Variants in ARK2C observed in about 807,000 individuals in gnomAD.
ARK2C encodes the protein arkadia (RNF111) C-terminal like ring finger ubiquitin ligase 2C.
the ARK2C span, among the ~76,000 whole-genome samples, chr18:46,384,119 A>C: frequency 6.6e-6 from 1 of 152,244 alleles, no homozygotes; most frequent in African/African-American, 2.4e-5. Context: ...GAGATGGTGA[A>C]GACAGAGTTG....
chr18:46,415,548 A>G, the ARK2C span, among the ~76,000 whole-genome samples: 1 of 151,728 alleles, frequency 6.6e-6, no homozygotes, highest in East Asian at 1.9e-4. Flanking sequence ...AAAAATAAAA[A>G]AATAAATAAA....
the ARK2C span, among the ~76,000 whole-genome samples, chr18:46,396,352 C>T: frequency 2.0e-5 from 3 of 152,118 alleles, no homozygotes; most frequent in Non-Finnish European, 4.4e-5. Context: ...CCTGGAAGCT[C>T]GTGGCCCATC....
At chr18:46,376,610 T>G in the ARK2C span, among the ~76,000 whole-genome samples, 1 of 149,950 alleles carries the variant, frequency 6.7e-6, no homozygotes, top group Non-Finnish European at 1.5e-5. Context: ...AAATTTCTTT[T>G]GGGGCCTCAG....
At chr18:46,361,392 C>T in the ARK2C span, among the ~76,000 whole-genome samples, 2 of 152,018 alleles carry the variant, frequency 1.3e-5, no homozygotes, top group African/African-American at 4.8e-5. Context: ...ATATCTGTGT[C>T]GATCTGCTGT....
chr18:46,398,875 T>A, the ARK2C span, among the ~76,000 whole-genome samples: 2 of 151,804 alleles, frequency 1.3e-5, no homozygotes, highest in African/African-American at 4.9e-5. Flanking sequence ...ATGAGACACG[T>A]CGACAACATC....
At chr18:46,347,992 A>G in the ARK2C span, among the ~76,000 whole-genome samples, 5 of 152,124 alleles carry the variant, frequency 3.3e-5, no homozygotes, top group Non-Finnish European at 5.9e-5. Flanking sequence ...CTCACGTAGC[A>G]CTTACTCTGT....
chr18:46,359,365 C>T, the ARK2C span, among the ~76,000 whole-genome samples: 1 of 152,118 alleles, frequency 6.6e-6, no homozygotes, highest in South Asian at 2.1e-4. Context: ...GCTGGGATTT[C>T]AGCTGGTTCC....
the ARK2C span, among the ~76,000 whole-genome samples, chr18:46,358,481 G>A: frequency 6.6e-6 from 1 of 152,148 alleles, no homozygotes; most frequent in Non-Finnish European, 1.5e-5. Flanking sequence ...AGCCTGAAGC[G>A]TACCCGAAAG....
At chr18:46,378,924 G>A in the ARK2C span, among the ~76,000 whole-genome samples, 31 of 152,314 alleles carry the variant, frequency 2.0e-4, no homozygotes, top group African/African-American at 6.7e-4. Flanking sequence ...CCCCAGTGTG[G>A]CTCTGATGAA....
the ARK2C span, among the ~76,000 whole-genome samples, chr18:46,356,802 T>C: frequency 6.6e-6 from 1 of 152,284 alleles, no homozygotes; most frequent in East Asian, 1.9e-4. Flanking sequence ...GCTTCCTGCC[T>C]CAATTCTAGA....
chr18:46,360,910 G>A, the ARK2C span, among the ~76,000 whole-genome samples: 1 of 152,240 alleles, frequency 6.6e-6, no homozygotes, highest in African/African-American at 2.4e-5. Flanking sequence ...GAGGCCAGGC[G>A]TCAGCCCCAC....
the ARK2C span, among the ~76,000 whole-genome samples, chr18:46,413,946 A>G: frequency 6.6e-6 from 1 of 152,098 alleles, no homozygotes; most frequent in African/African-American, 2.4e-5. Flanking sequence ...TGTAATCTAA[A>G]CCACATAATT....
At chr18:46,334,570 G>A in the ARK2C span, 1 of 491,074 alleles carries the variant, frequency 2.0e-6, no homozygotes, top group African/African-American at 2.1e-5. The surrounding 1 kb of genome is among the most constrained non-coding windows in gnomAD (Gnocchi z 4.4). Context: ...TTCCTCCCCA[G>A]CCCCATTTTT....
the ARK2C span, among the ~76,000 whole-genome samples, chr18:46,376,615 C>A: frequency 6.6e-6 from 1 of 150,902 alleles, no homozygotes; most frequent in Non-Finnish European, 1.5e-5. Flanking sequence ...TCTTTTGGGG[C>A]CTCAGTTCAG....
At chr18:46,433,547 C>T in the ARK2C span, 7 of 1,529,582 alleles carry the variant, frequency 4.6e-6, no homozygotes, top group South Asian at 7.6e-5. Context: ...CGGATGGGGT[C>T]GGGTGAGGGG....
the ARK2C span, chr18:46,336,141 T>G: frequency 1.0e-6 from 1 of 985,270 alleles, no homozygotes; most frequent in African/African-American, 1.7e-5. Context: ...AATTATCTCT[T>G]ATTACTTGGC....
the ARK2C span, among the ~76,000 whole-genome samples, chr18:46,399,561 T>C: frequency 6.6e-6 from 1 of 152,100 alleles, no homozygotes; most frequent in Non-Finnish European, 1.5e-5. Context: ...TGAGTGGACT[T>C]TGATGGGAAA....
the ARK2C span, among the ~76,000 whole-genome samples, chr18:46,426,535 G>T: frequency 6.6e-6 from 1 of 152,130 alleles, no homozygotes; most frequent in Non-Finnish European, 1.5e-5. Context: ...AGCTGTGCAG[G>T]GCTATCCTCA....
chr18:46,429,806 T>A, the ARK2C span, among the ~76,000 whole-genome samples: 5 of 152,300 alleles, frequency 3.3e-5, no homozygotes. Context: ...GGGGTCTTGC[T>A]ATGTTGTCCA....
Sources: gnomAD v4.1 joint callset for allele counts (sites outside exome capture counted in the v4.1 genomes callset) on GRCh38, gnomAD v4.1.1 for gene constraint, Gnocchi (gnomAD v3.1) non-coding constraint, MANE v1.5 for transcripts, NCBI Gene and HGNC (gene_info 2026-07-23, HGNC 2026-07-21) for gene names.